The following MAP7D2 variants were observed in gnomAD, a reference collection of about 807,000 sequenced individuals.
MAP7D2 encodes the protein MAP7 domain-containing protein 2.
A neutral mutation model predicts 63.5 loss-of-function variants in MAP7D2; 33 were observed. The ratio of observed to expected loss-of-function variants is 0.52; its 90% CI spans 0.39 to 0.70. MAP7D2 has a LOEUF of 0.70. Ranked by LOEUF, MAP7D2 falls within the 30% of genes least tolerant of loss-of-function variation. The probability of loss-of-function intolerance (pLI) is 0.00; values close to 1 mark genes in which losing one functional copy is unlikely to be tolerated. For synonymous variants in MAP7D2, 224 were observed against 223.7 expected (o/e 1.00, Z -0.01); for missense variants, 626 against 604.0 (o/e 1.04, Z -0.38).
chrX:20,017,737 A>G (rs1038470404), intron 10 of MAP7D2, among the ~76,000 whole-genome samples: 3 of 111,544 alleles, frequency 2.7e-5, no homozygotes, highest in Admixed American at 9.6e-5. Context: ...AGATTCCTCA[A>G]TGAAATACTA....
chrX:20,044,110 T>C (rs1330476976), intron 7 of MAP7D2, among the ~76,000 whole-genome samples: 2 of 112,499 alleles, frequency 1.8e-5, no homozygotes, highest in East Asian at 5.5e-4. Flanking sequence ...TTCTGACTCC[T>C]GTCCTCTGGA....
intron 1 of MAP7D2, among the ~76,000 whole-genome samples, chrX:20,102,562 G>GC (rs2066462141): frequency 9.0e-6 from 1 of 111,032 alleles, no homozygotes; most frequent in Non-Finnish European, 1.9e-5. Flanking sequence ...TTTAAGAAGT[G>GC]CTAGGCAAGT....
In MAP7D2 at chrX:20,021,053, C is replaced by T. The variant is rs776415505; in HGVS notation, c.1412+3898G>A. Reference sequence around the variant, plus strand: ...CTTTTTAACATGACTTAAAGTGATCCGTCTAGGAATCCCATTAAGATCTCC... The same window carrying T: ...CTTTTTAACATGACTTAAAGTGATCTGTCTAGGAATCCCATTAAGATCTCC... On this transcript the variant is annotated intron_variant, in intron 10 of 16. Transcript: ENST00000379643. Among the ~76,000 whole-genome samples, 8 of 111,977 alleles carry T rather than the reference C, an allele frequency of 7.1e-5. No individual in the cohort carries two copies. In the East Asian group the frequency reaches 8.4e-4, roughly 12 times the overall value.
chrX:20,039,325 T>C (rs946575052), intron 8 of MAP7D2, among the ~76,000 whole-genome samples: 2 of 112,553 alleles, frequency 1.8e-5, no homozygotes, highest in Non-Finnish European at 3.8e-5. Context: ...TGTCATTTCC[T>C]TTCTCTTTCC....
chrX:20,022,907 G>A (rs1473723140), intron 10 of MAP7D2, among the ~76,000 whole-genome samples: 2 of 112,240 alleles, frequency 1.8e-5, no homozygotes, highest in Non-Finnish European at 3.8e-5. Flanking sequence ...ATGTGGTGTG[G>A]ATCCACATCT....
At chrX:20,035,675 G>C (rs908381938) in intron 8 of MAP7D2, among the ~76,000 whole-genome samples, 1 of 110,429 alleles carries the variant, frequency 9.1e-6, no homozygotes, top group Non-Finnish European at 1.9e-5. Context: ...CATATCACAA[G>C]GTCAGGAGAT....
intron 1 of MAP7D2, among the ~76,000 whole-genome samples, chrX:20,067,009 ACAGT>A (rs1277797431): frequency 1.8e-5 from 2 of 112,550 alleles, no homozygotes; most frequent in African/African-American, 6.5e-5. Context: ...TTCTCTAAAC[ACAGT>A]CAGGTTCTAG....
At chrX:20,092,566 C>G (rs1207128282) in intron 1 of MAP7D2, among the ~76,000 whole-genome samples, 2 of 112,278 alleles carry the variant, frequency 1.8e-5, no homozygotes. Flanking sequence ...TCCTCTTCTT[C>G]CCCCGTCTTA....
chrX:20,113,752 C>T (rs1178591305), intron 1 of MAP7D2, among the ~76,000 whole-genome samples: 2 of 110,777 alleles, frequency 1.8e-5, no homozygotes, highest in Non-Finnish European at 3.8e-5. Flanking sequence ...TGTTTTGGTA[C>T]AGGCATGCAA....
At chrX:20,116,685 G>A in intron 1 of MAP7D2, 65 bp downstream of exon 1, 3 of 1,084,861 alleles carry the variant, frequency 2.8e-6, no homozygotes, top group Non-Finnish European at 3.6e-6. Context: ...GCCCTGGGCC[G>A]CCGGGCCCGC....
chrX:20,106,200 A>T (rs1347736630), intron 1 of MAP7D2, among the ~76,000 whole-genome samples: 1 of 112,122 alleles, frequency 8.9e-6, no homozygotes, highest in Non-Finnish European at 1.9e-5. Flanking sequence ...CCTCGATGAC[A>T]GCTTAATAAT....
chrX:20,026,670 G>A (rs2073854260), intron 8 of MAP7D2, among the ~76,000 whole-genome samples: 1 of 111,909 alleles, frequency 8.9e-6, no homozygotes, highest in Admixed American at 9.5e-5. Context: ...AGATGCAAAA[G>A]GTGAGGACAA....
At chrX:20,039,349 A>G (rs944369973) in intron 8 of MAP7D2, among the ~76,000 whole-genome samples, 1 of 112,289 alleles carries the variant, frequency 8.9e-6, no homozygotes, top group Non-Finnish European at 1.9e-5. Flanking sequence ...ATCATGTGAC[A>G]TAAGATTTAT....
chrX:20,053,268 T>A (rs1034132785), intron 4 of MAP7D2, among the ~76,000 whole-genome samples: 31 of 112,341 alleles, frequency 2.8e-4, no homozygotes, highest in African/African-American at 9.7e-4. Context: ...ACTGAAGCCG[T>A]GTTAATCCCA....
At chrX:20,083,797 G>C (rs1214151072) in intron 1 of MAP7D2, among the ~76,000 whole-genome samples, 1 of 111,415 alleles carries the variant, frequency 9.0e-6, no homozygotes, top group Non-Finnish European at 1.9e-5. Flanking sequence ...GCAAAGTCTG[G>C]AGATATTTTG....
intron 7 of MAP7D2, among the ~76,000 whole-genome samples, chrX:20,043,649 A>C (rs774315568): frequency 8.9e-6 from 1 of 112,485 alleles, no homozygotes; most frequent in Non-Finnish European, 1.9e-5. Flanking sequence ...AGTCACTCTG[A>C]ATTTCTGACC....
At chrX:20,008,772 T>C (rs183478342) in intron 16 of MAP7D2, among the ~76,000 whole-genome samples, 5 of 112,048 alleles carry the variant, frequency 4.5e-5, no homozygotes, top group Admixed American at 9.5e-5. Flanking sequence ...ATTTGAGAAC[T>C]AGACCCAATC....
chrX:20,083,371 G>A (rs1281762220), intron 1 of MAP7D2, among the ~76,000 whole-genome samples: 1 of 111,841 alleles, frequency 8.9e-6, no homozygotes, highest in Admixed American at 9.5e-5. Context: ...ATAACACATA[G>A]GAAAAGTGCT....
chrX:20,016,364 C>T (rs762162377), intron 10 of MAP7D2, 39 bp from the exon 11 acceptor site: 17 of 1,143,670 alleles, frequency 1.5e-5, no homozygotes, highest in Non-Finnish European at 1.4e-5. Context: ...ATGACATGCT[C>T]GAAAAGCAAA....
Sources: allele counts gnomAD v4.1 joint callset (sites outside exome capture counted in the v4.1 genomes callset), GRCh38; gene constraint gnomAD v4.1.1; transcripts MANE v1.5; gene names NCBI Gene and HGNC (gene_info 2026-07-23, HGNC 2026-07-21).